DSC1: variants seen among roughly 807,000 people sequenced by gnomAD.
The protein encoded by DSC1 is desmocollin-1.
In DSC1, 79 loss-of-function variants were observed where a neutral mutation model predicts 98.8. The ratio of observed to expected loss-of-function variants is 0.80; its 90% CI spans 0.67 to 0.96. The LOEUF is 0.96. Ranked by LOEUF, DSC1 falls within the 50% of genes least tolerant of loss-of-function variation. The probability of loss-of-function intolerance (pLI) is 0.00; values close to 1 mark genes in which losing one functional copy is unlikely to be tolerated. For missense variants in DSC1, 1,115 were observed against 1,075.9 expected, an observed-to-expected ratio of 1.04 and a Z score of -0.51; for synonymous variants, 405 against 372.1, an observed-to-expected ratio of 1.09 and a Z score of -1.02.
At chr18:31,144,928 T>TTCTTTTTC (rs1988810134) in intron 7 of DSC1, among the ~76,000 whole-genome samples, 1 of 137,406 alleles carries the variant, frequency 7.3e-6, no homozygotes, top group Non-Finnish European at 1.5e-5. Flanking sequence ...CGTCTGTATT[T>TTCTTTTTC]TCTTTTTCTT....
chr18:31,140,826 A>G (rs1988719277), intron 9 of DSC1, among the ~76,000 whole-genome samples: 1 of 152,202 alleles, frequency 6.6e-6, no homozygotes, highest in Non-Finnish European at 1.5e-5. Flanking sequence ...ATGGTTGGCT[A>G]TGTCCCACCC....
At chr18:31,150,126 C>T (rs1157443531) in intron 5 of DSC1, among the ~76,000 whole-genome samples, 1 of 139,192 alleles carries the variant, frequency 7.2e-6, no homozygotes, top group Admixed American at 7.7e-5. Flanking sequence ...ACCACCATCT[C>T]CACCATTATC....
At position 31,159,512 on chromosome 18, in the gene DSC1, G is replaced by C; in HGVS notation, c.81C>G (p.Cys27Trp). The C allele has an allele frequency of 6.3e-7, 1 of 1,582,198 alleles. No individual in the cohort carries two copies. Among genetic ancestry groups the C allele is most frequent in the Non-Finnish European group, 8.6e-7 (1 of 1,167,064 alleles). ...GAAGATAAACTTTCTGACAAGCATC[G>C]CAAAGTAATGTTAAAACCTCAAAAA... Reference protein sequence around the residue: ...LFSLLVLTLLCDACQKVYLRV... With the variant: ...LFSLLVLTLLWDACQKVYLRV... Residue 27 changes from cysteine (C) to tryptophan (W), a missense_variant, in exon 2 of 16, where the codon TGC becomes TGG. By Grantham distance (215) the Cys-to-Trp change is radical. Transcript: ENST00000257198.
In DSC1 at chr18:31,159,428, TTAA is replaced by T; in HGVS notation, c.148+14_148+16del. On this transcript the variant is annotated intron_variant, in intron 2 of 15. Coordinates refer to ENST00000257198, the MANE Select transcript of DSC1 (RefSeq NM_024421.2). ...GTGACAAGTTACAGCTATGAAACTG[TTAA>T]TAGTGTTTCTCACCTTTGCCTACAA... is the stretch of plus-strand genomic sequence containing the variant. 24 of 1,606,438 alleles carry T rather than the reference TTAA, an allele frequency of 1.5e-5. No individual in the cohort carries two copies. The highest frequency in any genetic ancestry group is 2.0e-5 in the Non-Finnish European group (24 of 1,175,828).
chr18:31,137,343 G>A (rs1313784978), intron 11 of DSC1, among the ~76,000 whole-genome samples: 1 of 152,064 alleles, frequency 6.6e-6, no homozygotes, highest in East Asian at 1.9e-4. Context: ...AAATAAAGAA[G>A]CACTTAATAA....
At chr18:31,157,296 G>GTTA in intron 3 of DSC1, 75 bp downstream of exon 3, 1 of 1,455,620 alleles carries the variant, frequency 6.9e-7, no homozygotes, top group Non-Finnish European at 9.4e-7. Context: ...CATGAAACAC[G>GTTA]TTAAAACACA....
In DSC1 at chr18:31,132,553, T is replaced by C. The variant is rs180772392; in HGVS notation, c.2238+15A>G. ...GTTCACCGTACAATTCAAAGGGATG[T>C]GAAATCTGATTTACCGTTACTTCTT... On this transcript the variant is annotated intron_variant, in intron 14 of 15. Coordinates refer to ENST00000257198, the MANE Select transcript of DSC1 (RefSeq NM_024421.2). 6.2e-7 allele frequency: 1 copy of C among 1,612,346 alleles called. No individual in the cohort carries two copies. Among genetic ancestry groups the C allele is most frequent in the Admixed American group, 1.7e-5 (1 of 59,864 alleles).
intron 5 of DSC1, among the ~76,000 whole-genome samples, chr18:31,149,924 G>T (rs958983281): frequency 6.6e-6 from 1 of 152,008 alleles, no homozygotes; most frequent in Admixed American, 6.6e-5. Flanking sequence ...GCTTCCATCA[G>T]TCTGATCTCT....
At position 31,148,718 on chromosome 18, in the gene DSC1, A is replaced by G. The variant is rs571443885; in HGVS notation, c.628-76T>C. Reference sequence around the variant, plus strand: ...ACAAAAGTAAGCCTAGCAGTGGGGGAAAATGTAACATTAAAAAAAAAAATC... The same window carrying G: ...ACAAAAGTAAGCCTAGCAGTGGGGGGAAATGTAACATTAAAAAAAAAAATC... On this transcript the variant is annotated intron_variant, in intron 5 of 15. Coordinates refer to ENST00000257198, the MANE Select transcript of DSC1 (RefSeq NM_024421.2). 5.2e-6 allele frequency: 7 copies of G among 1,351,318 alleles called. No individual in the cohort carries two copies. In the South Asian group the frequency reaches 1.3e-4, roughly 25 times the overall value. The allele number at this position is 1,351,318 out of a possible 1,614,324, so 83.7% of individuals were successfully genotyped here.
intron 5 of DSC1, among the ~76,000 whole-genome samples, 193 bp downstream of exon 5, chr18:31,154,580 CG>C (rs1415496641): frequency 6.6e-6 from 1 of 152,062 alleles, no homozygotes; most frequent in Non-Finnish European, 1.5e-5. Context: ...TTACCTCCCC[CG>C]CCACTTCCCT....
At chr18:31,148,060 A>G (rs771014304) in intron 6 of DSC1, among the ~76,000 whole-genome samples, 4 of 152,116 alleles carry the variant, frequency 2.6e-5, no homozygotes, top group African/African-American at 7.2e-5. Context: ...AATATTCTCT[A>G]TGGATTTCTG....
At position 31,130,532 on chromosome 18, in the gene DSC1, C is replaced by A. The variant is rs761297633; in HGVS notation, c.2667G>T (p.Lys889Asn). 9.3e-6 allele frequency: 15 copies of A among 1,614,012 alleles called. No homozygotes were observed. Among genetic ancestry groups the A allele is most frequent in the Non-Finnish European group, 1.3e-5 (15 of 1,180,008 alleles). Residue 889 changes from lysine to asparagine, a missense_variant, in exon 16 of 16, where the codon AAG (lysine) becomes AAT (asparagine). Lys to Asn is a moderately conservative substitution (Grantham distance 94). Coordinates refer to ENST00000257198, the MANE Select transcript of DSC1 (RefSeq NM_024421.2). ...HLEPKFRTLA[K>N]TCIKK is the part of the protein sequence containing the mutation. ...GGCACATTTATTTCTTGATGCATGTCTTTGCTAATGTCCTAAATTTGGGTT... is the reference window on the plus strand; with the variant it reads ...GGCACATTTATTTCTTGATGCATGTATTTGCTAATGTCCTAAATTTGGGTT...
At position 31,132,613 on chromosome 18, in the gene DSC1, T is replaced by C; in HGVS notation, c.2193A>G (p.Gln731=). 1 of 1,613,664 alleles carries C rather than the reference T, an allele frequency of 6.2e-7. No homozygotes were observed. The highest frequency in any genetic ancestry group is 1.3e-5 in the African/African-American group (1 of 75,024). ...KKCFPEDIAQ[Q]NLIVSNTEGP... is the part of the protein sequence containing the mutation. ...CTTCAGTATTTGATACAATTAAATT[T>C]TGCTGGGCTATGTCTTCTGGAAAAC... is the stretch of plus-strand genomic sequence containing the variant. The change falls in exon 14 of 16, where the codon CAA becomes CAG. Residue 731 remains glutamine (Q), a synonymous_variant. Coordinates refer to ENST00000257198, the MANE Select transcript of DSC1 (RefSeq NM_024421.2).
chr18:31,144,269 G>A (rs1041252767), intron 7 of DSC1, among the ~76,000 whole-genome samples: 4 of 152,048 alleles, frequency 2.6e-5, no homozygotes, highest in Admixed American at 2.0e-4. Flanking sequence ...ACAAGATATT[G>A]GCTGATTGGT....
At position 31,133,890 on chromosome 18, in the gene DSC1, C is replaced by T; in HGVS notation, c.2116+1G>A. ...TAGATAATGATACTTAATATACTTA[C>T]ATAATAACAATACAGAACCCAACAC... On this transcript the variant is annotated splice_donor_variant, in intron 13 of 15. Coordinates refer to ENST00000257198, the MANE Select transcript of DSC1 (RefSeq NM_024421.2). LOFTEE classifies it high-confidence loss of function. 6.2e-7 allele frequency: 1 copy of T among 1,608,856 alleles called. No individual in the cohort carries two copies. Among genetic ancestry groups the T allele is most frequent in the Non-Finnish European group, 8.5e-7 (1 of 1,177,194 alleles).
chr18:31,157,680 G>T (rs1288136959), intron 2 of DSC1, 107 bp from the exon 3 acceptor site: 7 of 1,212,886 alleles, frequency 5.8e-6, no homozygotes, highest in East Asian at 2.4e-5. Context: ...AAAAAGGGAG[G>T]TTACATTTGG....
chr18:31,145,666 G>A lies in DSC1; in HGVS notation c.884C>T (p.Ser295Phe). Residue 295 changes from serine to phenylalanine, a missense_variant, in exon 7 of 16, where the codon TCC becomes TTC. By Grantham distance (155) the Ser-to-Phe change is radical. Coordinates refer to ENST00000257198, the MANE Select transcript of DSC1 (RefSeq NM_024421.2). ...GATGACACCGGTATCTGGGTGTATG[G>A]AGAAATGCTTTGGATGATCTGGGAT... The part of the protein sequence containing the change: ...QQIPDHPKHF[S>F]IHPDTGVITT... The A allele has an allele frequency of 6.2e-7, 1 of 1,614,178 alleles. No individual in the cohort carries two copies. The highest frequency in any genetic ancestry group is 2.2e-5 in the East Asian group (1 of 44,874).
At chr18:31,139,258 T>C (rs961467583) in intron 11 of DSC1, among the ~76,000 whole-genome samples, 1 of 152,082 alleles carries the variant, frequency 6.6e-6, no homozygotes, top group Non-Finnish European at 1.5e-5. Flanking sequence ...ACTTAAGTCA[T>C]TGTTTGACCA....
rs74426982 is a variant in DSC1 at position 31,142,817 on chromosome 18, G to A, written c.1075-633C>T. ...ATAGGAGGATGATAGACACTGGAGC[G>A]TAATAGACCTAGATTTGAATCCTGG... On this transcript the variant is annotated intron_variant, in intron 8 of 15. Coordinates refer to ENST00000257198, the MANE Select transcript of DSC1 (RefSeq NM_024421.2). Among the ~76,000 whole-genome samples, 841 of 152,178 alleles carry A rather than the reference G, an allele frequency of 5.5e-3. 13 individuals are homozygous for A. Among genetic ancestry groups the A allele is most frequent in the African/African-American group, 0.019 (803 of 41,526 alleles).
Sources: allele counts gnomAD v4.1 joint callset (sites outside exome capture counted in the v4.1 genomes callset), GRCh38; gene constraint gnomAD v4.1.1; transcripts MANE v1.5; gene names NCBI Gene and HGNC (gene_info 2026-07-23, HGNC 2026-07-21).